The following ARK2N variants were observed in gnomAD, a reference collection of about 807,000 sequenced individuals.
ARK2N encodes the protein arkadia (RNF111) N-terminal like PKA signaling regulator 2N.
At chr18:46,246,446 C>T in the ARK2N span, among the ~76,000 whole-genome samples, 3 of 152,164 alleles carry the variant, frequency 2.0e-5, no homozygotes, top group African/African-American at 7.2e-5. Flanking sequence ...AGCACGGCAT[C>T]TCATTGCCTT....
At chr18:46,223,958 T>C in the ARK2N span, among the ~76,000 whole-genome samples, 1 of 152,172 alleles carries the variant, frequency 6.6e-6, no homozygotes, top group African/African-American at 2.4e-5. Flanking sequence ...ATTAGGTCCC[T>C]TAGAATGAAG....
the ARK2N span, among the ~76,000 whole-genome samples, chr18:46,209,110 T>C: frequency 3.9e-5 from 6 of 152,140 alleles, no homozygotes; most frequent in Admixed American, 3.9e-4. Context: ...AGATGAAAAC[T>C]AGAAAGGTGG....
chr18:46,231,127 T>C, the ARK2N span, among the ~76,000 whole-genome samples: 1 of 152,226 alleles, frequency 6.6e-6, no homozygotes, highest in African/African-American at 2.4e-5. Flanking sequence ...CACATAAAAT[T>C]TTAATTTAGA....
chr18:46,236,604 A>G, the ARK2N span, among the ~76,000 whole-genome samples: 1 of 152,218 alleles, frequency 6.6e-6, no homozygotes, highest in Non-Finnish European at 1.5e-5. Context: ...GTAAGCATGG[A>G]TGGAATGTGC....
the ARK2N span, chr18:46,216,286 G>T: frequency 4.3e-6 from 7 of 1,613,862 alleles, no homozygotes; most frequent in East Asian, 1.6e-4. This position sits in a 1 kb window ranked among gnomAD's most constrained non-coding sequence, Gnocchi z 4.3. Context: ...TGGTGCCACA[G>T]TTGGGCGCAA....
chr18:46,176,686 C>T, the ARK2N span, among the ~76,000 whole-genome samples: 1 of 151,440 alleles, frequency 6.6e-6, no homozygotes, highest in African/African-American at 2.4e-5. Flanking sequence ...AGTGCAATCT[C>T]CACTCACCGC....
At chr18:46,192,384 C>T in the ARK2N span, among the ~76,000 whole-genome samples, 1 of 151,594 alleles carries the variant, frequency 6.6e-6, no homozygotes, top group Non-Finnish European at 1.5e-5. Flanking sequence ...CCAGCCTGGC[C>T]AATATGGTGA....
At chr18:46,250,324 A>G in the ARK2N span, among the ~76,000 whole-genome samples, 1 of 152,062 alleles carries the variant, frequency 6.6e-6, no homozygotes, top group South Asian at 2.1e-4. Context: ...TGGACATATT[A>G]AAGGCACATA....
the ARK2N span, among the ~76,000 whole-genome samples, chr18:46,196,811 A>C: frequency 6.6e-6 from 1 of 152,178 alleles, no homozygotes; most frequent in African/African-American, 2.4e-5. Flanking sequence ...TGGAGGATCC[A>C]TTTGCAAGGT....
the ARK2N span, among the ~76,000 whole-genome samples, chr18:46,196,954 A>G: frequency 6.6e-6 from 1 of 152,156 alleles, no homozygotes; most frequent in African/African-American, 2.4e-5. Flanking sequence ...TCCTAGAGAG[A>G]GAAGTGAGAA....
At chr18:46,215,135 A>G in the ARK2N span, among the ~76,000 whole-genome samples, 2 of 152,208 alleles carry the variant, frequency 1.3e-5, no homozygotes, top group East Asian at 3.8e-4. Flanking sequence ...CCTGGGCAAC[A>G]TGGTGAAATC....
the ARK2N span, among the ~76,000 whole-genome samples, chr18:46,243,218 A>G: frequency 1.3e-5 from 2 of 152,334 alleles, no homozygotes; most frequent in East Asian, 3.9e-4. Context: ...GTCTCAATAA[A>G]ATATTAATAG....
chr18:46,184,677 G>T, the ARK2N span, among the ~76,000 whole-genome samples: 1 of 152,166 alleles, frequency 6.6e-6, no homozygotes, highest in Non-Finnish European at 1.5e-5. Context: ...AGCTGTGATT[G>T]TGCCACTACA....
chr18:46,188,490 C>T, the ARK2N span, among the ~76,000 whole-genome samples: 2,027 of 152,180 alleles, frequency 0.013, 14 homozygotes, highest in Non-Finnish European at 0.019. Context: ...GCGTGAGCCG[C>T]GACATGTGGC....
At chr18:46,184,553 C>G in the ARK2N span, among the ~76,000 whole-genome samples, 1 of 152,188 alleles carries the variant, frequency 6.6e-6, no homozygotes, top group Admixed American at 6.5e-5. Flanking sequence ...GAAACTCCGT[C>G]TCTCCTAAAA....
At chr18:46,174,745 G>C in the ARK2N span, among the ~76,000 whole-genome samples, 1 of 152,186 alleles carries the variant, frequency 6.6e-6, no homozygotes, top group South Asian at 2.1e-4. Flanking sequence ...TTGTCTTCAC[G>C]CAACTTTCCG....
At chr18:46,195,266 C>CTTTT in the ARK2N span, among the ~76,000 whole-genome samples, 3 of 94,492 alleles carry the variant, frequency 3.2e-5, no homozygotes, top group African/African-American at 7.7e-5. Context: ...TTTATTTAAC[C>CTTTT]TTTTTTTTTT....
chr18:46,187,060 G>A, the ARK2N span, among the ~76,000 whole-genome samples: 5 of 148,888 alleles, frequency 3.4e-5, no homozygotes, highest in Admixed American at 2.0e-4. Flanking sequence ...CTCCATGTTG[G>A]TCAGACTGGT....
chr18:46,187,372 T>C, the ARK2N span, among the ~76,000 whole-genome samples: 67 of 151,278 alleles, frequency 4.4e-4, no homozygotes, highest in African/African-American at 1.6e-3. Context: ...GACGGAGTCT[T>C]GCTCTGTCAC....
Sources: allele counts gnomAD v4.1 joint callset (sites outside exome capture counted in the v4.1 genomes callset), GRCh38; gene constraint gnomAD v4.1.1; non-coding constraint Gnocchi (gnomAD v3.1); transcripts MANE v1.5; gene names NCBI Gene and HGNC (gene_info 2026-07-23, HGNC 2026-07-21).